CNOT6: variants seen among roughly 807,000 people sequenced by gnomAD.
The protein encoded by CNOT6 is CCR4-NOT transcription complex subunit 6, also known as carbon catabolite repression 4 protein.
Under a neutral mutation model 61.2 loss-of-function variants are expected in CNOT6, and 12 were observed. That is an observed-to-expected ratio of 0.20 (90% CI 0.13 to 0.32). The LOEUF (loss-of-function observed/expected upper bound fraction) is 0.32. Ranked by LOEUF, CNOT6 falls within the 10% of genes least tolerant of loss-of-function variation. CNOT6 has a pLI of 1.00. For missense variants in CNOT6, 405 were observed against 663.9 expected (o/e 0.61, Z 4.28); for synonymous variants, 225 against 240.6 (o/e 0.94, Z 0.60).
At chr5:180,551,872 CTTT>C (rs762227651) in intron 3 of CNOT6, among the ~76,000 whole-genome samples, 1 of 140,662 alleles carries the variant, frequency 7.1e-6, no homozygotes, top group Non-Finnish European at 1.6e-5. Context: ...TTTTCTTTTT[CTTT>C]TTTTTTTTTT....
chr5:180,546,806 A>G (rs1485262225), intron 2 of CNOT6, among the ~76,000 whole-genome samples: 1 of 152,204 alleles, frequency 6.6e-6, no homozygotes, highest in Non-Finnish European at 1.5e-5. Flanking sequence ...CCTTTTCTAT[A>G]CAGGTTGAGT....
chr5:180,573,745 C>T (rs1046380576), intron 11 of CNOT6, among the ~76,000 whole-genome samples: 2 of 152,104 alleles, frequency 1.3e-5, no homozygotes, highest in Non-Finnish European at 2.9e-5. Flanking sequence ...GCAGAGGCTG[C>T]ATCCTGAAAG....
At chr5:180,562,604 G>GTAATTAGC (rs1760243765) in intron 4 of CNOT6, among the ~76,000 whole-genome samples, 1 of 152,118 alleles carries the variant, frequency 6.6e-6, no homozygotes, top group South Asian at 2.1e-4. Context: ...GCCGGGCATG[G>GTAATTAGC]TGGCAGCTGC....
chr5:180,499,727 T>C (rs1045489519), intron 1 of CNOT6, among the ~76,000 whole-genome samples: 1 of 152,206 alleles, frequency 6.6e-6, no homozygotes, highest in Admixed American at 6.5e-5. Context: ...AATATATAGA[T>C]ACTGTAATAA....
chr5:180,562,178 T>A lies in CNOT6; in HGVS notation c.386-2311T>A, dbSNP rs113465646. Among the ~76,000 whole-genome samples the A allele has an allele frequency of 8.5e-3, 1,289 of 152,328 alleles. 18 individuals carry two copies. The highest frequency in any genetic ancestry group is 0.029 in the African/African-American group (1,221 of 41,568). On this transcript the variant is annotated intron_variant, in intron 4 of 11. Coordinates refer to ENST00000261951, the MANE Select transcript of CNOT6 (RefSeq NM_001370472.1). Reference sequence around the variant, plus strand: ...CATCCCTGTGCCGTTCGTCAGGTCCTGCAGTCTTTGGCTATTCTGCCTTCT... The same window carrying A: ...CATCCCTGTGCCGTTCGTCAGGTCCAGCAGTCTTTGGCTATTCTGCCTTCT...
chr5:180,517,862 G>A (rs1382912226), intron 1 of CNOT6, among the ~76,000 whole-genome samples: 6 of 152,168 alleles, frequency 3.9e-5, no homozygotes, highest in South Asian at 2.1e-4. Context: ...TTTCTTAAAC[G>A]AGGGCTGTTT....
Position 180,574,790 on chromosome 5 carries a change from T to C in CNOT6, c.*590T>C, listed in dbSNP as rs1321994350. The C allele has an allele frequency of 6.5e-6, 1 of 153,516 alleles. No homozygotes were observed. The highest frequency in any genetic ancestry group is 1.5e-5 in the Non-Finnish European group (1 of 68,720). 9.5% of individuals were successfully genotyped at this position (153,516 alleles called of 1,614,324 possible). A position where few individuals can be genotyped will look rare whatever the true frequency, so the allele number is the denominator to read the frequency against. On this transcript the variant is annotated 3_prime_UTR_variant, in exon 12 of 12. Transcript: ENST00000261951. The stretch of plus-strand genomic sequence containing the variant: ...ATAAAGGCCAGCTTGTAAAAGAAGC[T>C]GCAACAGACTTTCTCTGCTCATGAT...
At chr5:180,538,725 T>C (rs1433247175) in intron 2 of CNOT6, among the ~76,000 whole-genome samples, 2 of 141,408 alleles carry the variant, frequency 1.4e-5, no homozygotes, top group African/African-American at 2.7e-5. Flanking sequence ...TACAAAAAAA[T>C]TAGCCAGGTG....
At chr5:180,549,117 C>T (rs1018815905) in intron 2 of CNOT6, among the ~76,000 whole-genome samples, 20 of 152,118 alleles carry the variant, frequency 1.3e-4, no homozygotes, top group African/African-American at 4.6e-4. Context: ...GCTGCTTAGC[C>T]ATGTGGTTCT....
At chr5:180,569,987 G>A (rs1344668594) in intron 10 of CNOT6, among the ~76,000 whole-genome samples, 1 of 152,120 alleles carries the variant, frequency 6.6e-6, no homozygotes, top group Non-Finnish European at 1.5e-5. Context: ...TTCCTTGGAC[G>A]TGAATGTACG....
intron 4 of CNOT6, among the ~76,000 whole-genome samples, chr5:180,554,335 T>G (rs1759769899): frequency 6.6e-6 from 1 of 151,886 alleles, no homozygotes; most frequent in African/African-American, 2.4e-5. Flanking sequence ...TGAGACTTGC[T>G]TGAACCTGGG....
intron 2 of CNOT6, among the ~76,000 whole-genome samples, chr5:180,539,612 C>T (rs995901784): frequency 5.1e-4 from 44 of 85,528 alleles, no homozygotes; most frequent in Admixed American, 1.3e-3. Context: ...TTTTTTGAGA[C>T]GGAGTCTTGT....
intron 8 of CNOT6, among the ~76,000 whole-genome samples, chr5:180,567,529 G>T (rs904200315): frequency 1.2e-4 from 19 of 152,002 alleles, no homozygotes; most frequent in African/African-American, 4.1e-4. Flanking sequence ...GACGGTACAG[G>T]GATTCTTAAA....
intron 4 of CNOT6, among the ~76,000 whole-genome samples, chr5:180,555,842 C>T (rs1022283777): frequency 9.2e-5 from 14 of 152,200 alleles, no homozygotes; most frequent in Admixed American, 3.9e-4. Context: ...CCTCATGAAT[C>T]AGTTCATACC....
At chr5:180,555,620 A>T (rs1395155320) in intron 4 of CNOT6, among the ~76,000 whole-genome samples, 2 of 152,062 alleles carry the variant, frequency 1.3e-5, no homozygotes, top group Non-Finnish European at 2.9e-5. Flanking sequence ...TTTAATTCTA[A>T]TGTTGTGTCG....
intron 1 of CNOT6, among the ~76,000 whole-genome samples, chr5:180,503,233 A>G (rs1756959482): frequency 1.3e-5 from 2 of 151,206 alleles, no homozygotes; most frequent in Non-Finnish European, 3.0e-5. Context: ...CCAGGACTTG[A>G]TGCAGGTCTG....
chr5:180,535,887 G>A (rs1209275991), intron 2 of CNOT6, among the ~76,000 whole-genome samples: 1 of 149,620 alleles, frequency 6.7e-6, no homozygotes, highest in African/African-American at 2.5e-5. Context: ...GTTTTAATTT[G>A]CATTTCTCTG....
At position 180,529,276 on chromosome 5, in the gene CNOT6, C is replaced by T. The variant is rs909147434; in HGVS notation, c.-1C>T. 6 of 1,560,426 alleles carry T rather than the reference C, an allele frequency of 3.8e-6. No individual in the cohort carries two copies. The African/African-American group carries it at 8.1e-5, about 21-fold the overall frequency. On this transcript the variant is annotated splice_region_variant and 5_prime_UTR_variant, in exon 2 of 12. Transcript: ENST00000261951. Reference sequence around the variant, plus strand: ...CTGATTGGTTTCTTTTCTTAACAGGCATGCCCAAAGAAAAATACGAGCCCC... The same window carrying T: ...CTGATTGGTTTCTTTTCTTAACAGGTATGCCCAAAGAAAAATACGAGCCCC...
At chr5:180,520,789 TTTTTC>T (rs1207614737) in intron 1 of CNOT6, among the ~76,000 whole-genome samples, 1 of 152,152 alleles carries the variant, frequency 6.6e-6, no homozygotes, top group Non-Finnish European at 1.5e-5. Context: ...GCTTGTTTGT[TTTTTC>T]TTTCCAAGAG....
Sources: allele counts gnomAD v4.1 joint callset (sites outside exome capture counted in the v4.1 genomes callset), GRCh38; gene constraint gnomAD v4.1.1; transcripts MANE v1.5; gene names NCBI Gene and HGNC (gene_info 2026-07-23, HGNC 2026-07-21).